The following EPB41L2 variants were observed in gnomAD, a reference collection of about 807,000 sequenced individuals.
EPB41L2 encodes band 4.1-like protein 2.
Under a neutral mutation model 113.0 loss-of-function variants are expected in EPB41L2, and 43 were observed. That is an observed-to-expected ratio of 0.38 (90% CI 0.30 to 0.49). EPB41L2 has a LOEUF of 0.49. Ranked by LOEUF, EPB41L2 falls within the 20% of genes least tolerant of loss-of-function variation. EPB41L2 has a pLI of 0.95. For missense variants in EPB41L2, 1,147 were observed against 1,223.4 expected, an observed-to-expected ratio of 0.94 and a Z score of 0.93; for synonymous variants, 442 against 436.7, an observed-to-expected ratio of 1.01 and a Z score of -0.15.
chr6:130,905,852 C>A (rs556644238), intron 5 of EPB41L2, among the ~76,000 whole-genome samples: 20 of 152,306 alleles, frequency 1.3e-4, no homozygotes, highest in Non-Finnish European at 2.2e-4. Flanking sequence ...CAGCACACTA[C>A]CTTTTCACTC....
chr6:130,853,608 C>T (rs1453810596), intron 19 of EPB41L2, among the ~76,000 whole-genome samples: 1 of 152,168 alleles, frequency 6.6e-6, no homozygotes, highest in Admixed American at 6.5e-5. Flanking sequence ...CTCTGCCTCA[C>T]AGCTGGCTGC....
chr6:131,060,210 AC>A (rs1798391132), intron 1 of EPB41L2, among the ~76,000 whole-genome samples: 1 of 152,254 alleles, frequency 6.6e-6, no homozygotes, highest in South Asian at 2.1e-4. Flanking sequence ...ACAAAACAAA[AC>A]CTTCAAAAAT....
At position 130,932,630 on chromosome 6, in the gene EPB41L2, A is replaced by G. The variant is rs78629087; in HGVS notation, c.706-5921T>C. ...CCTATGAAGCCTGTTCCAATCTCTCAATATTGCATCATTCTCCTTCAAGAG... is the reference window on the plus strand; with the variant it reads ...CCTATGAAGCCTGTTCCAATCTCTCGATATTGCATCATTCTCCTTCAAGAG... On this transcript the variant is annotated intron_variant, in intron 3 of 19. Transcript: ENST00000337057. Among the ~76,000 whole-genome samples, 3,011 of 146,882 alleles carry G rather than the reference A, an allele frequency of 0.02. 191 individuals are homozygous for G. The East Asian group carries it at 0.27, about 13-fold the overall frequency.
At chr6:130,846,218 T>C (rs1490189200) in intron 19 of EPB41L2, among the ~76,000 whole-genome samples, 1 of 152,226 alleles carries the variant, frequency 6.6e-6, no homozygotes, top group Non-Finnish European at 1.5e-5. Flanking sequence ...CATTTTACCT[T>C]TTCCAGGATG....
At chr6:130,984,789 T>A (rs1259639290) in intron 1 of EPB41L2, among the ~76,000 whole-genome samples, 1 of 152,198 alleles carries the variant, frequency 6.6e-6, no homozygotes, top group East Asian at 1.9e-4. Flanking sequence ...ACACTTATCC[T>A]TTCTATTTTT....
intron 3 of EPB41L2, among the ~76,000 whole-genome samples, chr6:130,952,440 G>A (rs1815505088): frequency 6.6e-6 from 1 of 151,632 alleles, no homozygotes. Context: ...CTATACAACA[G>A]TCTAAATGAA....
chr6:130,956,082 T>C lies in EPB41L2; in HGVS notation c.404A>G (p.Lys135Arg). The C allele has an allele frequency of 6.2e-7, 1 of 1,614,180 alleles. No individual in the cohort carries two copies. The change falls in exon 2 of 20, where the codon AAG becomes AGG. Residue 135 changes from lysine (K) to arginine (R), a missense_variant. Physicochemically the swap from Lys to Arg is conservative, Grantham distance 26. Transcript: ENST00000337057. ...GACTTCAACTTTAATCTCTTGTTTCTTCTGAGCCATTTCTTCAGCATCACC... is the reference window on the plus strand; with the variant it reads ...GACTTCAACTTTAATCTCTTGTTTCCTCTGAGCCATTTCTTCAGCATCACC... ...AKGDAEEMAQ[K>R]KQEIKVEVKE...
In EPB41L2 at chr6:130,965,150, GT is replaced by G. The variant is rs1256553286; in HGVS notation, c.-14-8652del. On this transcript the variant is annotated intron_variant, in intron 1 of 19. Transcript: ENST00000337057. ...CTTATCCCCTTCTTTCAAGACAAGT[GT>G]TTATTGAGTACTCTCAAAGCATATG... Among the ~76,000 whole-genome samples, 3 of 152,134 alleles carry G rather than the reference GT, an allele frequency of 2.0e-5. No homozygotes were observed. The East Asian group carries it at 5.8e-4, about 29-fold the overall frequency.
intron 14 of EPB41L2, among the ~76,000 whole-genome samples, chr6:130,874,684 CAG>C (rs1299115022): frequency 6.6e-6 from 1 of 152,108 alleles, no homozygotes; most frequent in Non-Finnish European, 1.5e-5. Context: ...AGGAAAAGAA[CAG>C]AAAAACAAGT....
intron 8 of EPB41L2, among the ~76,000 whole-genome samples, chr6:130,898,058 A>AC (rs1448561680): frequency 6.6e-6 from 1 of 151,040 alleles, no homozygotes; most frequent in African/African-American, 2.4e-5. Flanking sequence ...TCATAGTATG[A>AC]CCCCATTTTT....
intron 3 of EPB41L2, among the ~76,000 whole-genome samples, chr6:130,940,559 G>A (rs368111948): frequency 2.0e-5 from 3 of 151,496 alleles, no homozygotes; most frequent in African/African-American, 7.3e-5. Flanking sequence ...TCTACCTCCT[G>A]GGTTCAAGCA....
rs563515938 is a variant in EPB41L2 at position 130,922,720 on chromosome 6, C to T, written c.810+3885G>A. On this transcript the variant is annotated intron_variant, in intron 4 of 19. Coordinates refer to ENST00000337057, the MANE Select transcript of EPB41L2 (RefSeq NM_001431.4). ...GAATACCAGAATGATCAGCTGTTAA[C>T]AGCCATTTATATTTTATTTGGAATA... Among the ~76,000 whole-genome samples, 8 of 152,262 alleles carry T rather than the reference C, an allele frequency of 5.3e-5. No individual in the cohort carries two copies. The South Asian group carries it at 1.5e-3, about 28-fold the overall frequency.
intron 19 of EPB41L2, among the ~76,000 whole-genome samples, chr6:130,855,327 G>A (rs527283187): frequency 6.6e-6 from 1 of 152,192 alleles, no homozygotes; most frequent in African/African-American, 2.4e-5. Context: ...CTCCAGCCTG[G>A]GCGACAGAGC....
At chr6:130,865,473 A>G in intron 17 of EPB41L2, 63 bp downstream of exon 17, 1 of 1,507,224 alleles carries the variant, frequency 6.6e-7, no homozygotes. Context: ...GAGAGAAACA[A>G]TTCAGAAAAG....
At position 130,955,117 on chromosome 6, in the gene EPB41L2, G is replaced by A. The variant is rs766056815; in HGVS notation, c.693C>T (p.Ser231=). The A allele has an allele frequency of 1.2e-6, 2 of 1,614,128 alleles. No individual in the cohort carries two copies. Among genetic ancestry groups the A allele is most frequent in the South Asian group, 1.1e-5 (1 of 91,070 alleles). ...KVTLLDGTEY[S]CDLEKHAKGQ... ...CTCCCTATCTCACCTCCAGGTCACA[G>A]CTGTATTCGGTGCCATCTAAGAGGG... The change falls in exon 3 of 20, where the codon AGC becomes AGT. Residue 231 remains serine, a synonymous_variant. Coordinates refer to ENST00000337057, the MANE Select transcript of EPB41L2 (RefSeq NM_001431.4).
intron 15 of EPB41L2, 100 bp from the exon 16 acceptor site, chr6:130,867,681 C>T (rs752756155): frequency 7.2e-5 from 100 of 1,396,616 alleles, no homozygotes; most frequent in Admixed American, 9.4e-5. Flanking sequence ...TATCCAAACA[C>T]ACACTCATGC....
chr6:130,912,101 T>G (rs1322771568), intron 4 of EPB41L2, among the ~76,000 whole-genome samples: 1 of 152,152 alleles, frequency 6.6e-6, no homozygotes, highest in Non-Finnish European at 1.5e-5. Flanking sequence ...ACACTCCTTA[T>G]GAGACTCTGA....
chr6:130,975,246 C>T (rs749734811), intron 1 of EPB41L2, among the ~76,000 whole-genome samples: 12 of 152,042 alleles, frequency 7.9e-5, no homozygotes, highest in Non-Finnish European at 1.5e-4. Context: ...GGTCATGTTT[C>T]GACAATGTCT....
intron 3 of EPB41L2, among the ~76,000 whole-genome samples, chr6:130,931,286 G>A (rs1246094005): frequency 6.6e-6 from 1 of 151,974 alleles, no homozygotes; most frequent in Non-Finnish European, 1.5e-5. Context: ...ACATATAAAA[G>A]GTTCTAACAC....
Sources: allele counts gnomAD v4.1 joint callset (sites outside exome capture counted in the v4.1 genomes callset), GRCh38; gene constraint gnomAD v4.1.1; transcripts MANE v1.5; gene names NCBI Gene and HGNC (gene_info 2026-07-23, HGNC 2026-07-21).